The following KYNU variants were observed in gnomAD, a reference collection of about 807,000 sequenced individuals.
KYNU encodes the protein L-kynurenine hydrolase.
In KYNU, 54 loss-of-function variants were observed where a neutral mutation model predicts 59.2. The observed-to-expected ratio is 0.91, with a 90% confidence interval of 0.73 to 1.14. The LOEUF (loss-of-function observed/expected upper bound fraction) is 1.14, where lower values mean the gene tolerates loss of function less well. Ranked by LOEUF, KYNU falls within the 50% of genes most tolerant of loss-of-function variation. KYNU has a pLI of 0.00. For missense variants in KYNU, 567 were observed against 554.4 expected (o/e 1.02, Z -0.23); for synonymous variants, 177 against 192.0 (o/e 0.92, Z 0.65).
chr2:142,887,287 A>G (rs1681550774), intron 2 of KYNU, among the ~76,000 whole-genome samples: 1 of 152,192 alleles, frequency 6.6e-6, no homozygotes, highest in Non-Finnish European at 1.5e-5. Context: ...CTACTATTAA[A>G]AAGTGCAGGA....
chr2:142,970,153 A>G (rs1044103003), intron 8 of KYNU, among the ~76,000 whole-genome samples: 2 of 152,350 alleles, frequency 1.3e-5, no homozygotes, highest in Admixed American at 6.5e-5. Flanking sequence ...CACTTCTTTC[A>G]TCAGTTAAAT....
intron 2 of KYNU, among the ~76,000 whole-genome samples, chr2:142,890,270 A>T (rs1356984333): frequency 2.6e-5 from 4 of 152,170 alleles, no homozygotes; most frequent in African/African-American, 9.7e-5. Flanking sequence ...AAAATAATAA[A>T]TATTCCTGTT....
At chr2:142,897,801 C>CTAACTAAAAGG (rs1332682408) in intron 2 of KYNU, among the ~76,000 whole-genome samples, 8 of 152,196 alleles carry the variant, frequency 5.3e-5, no homozygotes, top group Middle Eastern at 3.4e-3. Flanking sequence ...CTAATAAAAC[C>CTAACTAAAAGG]CCTAAACTCA....
At chr2:142,913,510 A>G (rs1682572930) in intron 2 of KYNU, among the ~76,000 whole-genome samples, 1 of 152,058 alleles carries the variant, frequency 6.6e-6, no homozygotes, top group South Asian at 2.1e-4. Flanking sequence ...CTTCTGAGAG[A>G]TCTTCTTGGT....
chr2:142,901,196 C>T (rs1682071995), intron 2 of KYNU, among the ~76,000 whole-genome samples: 1 of 152,110 alleles, frequency 6.6e-6, no homozygotes, highest in Non-Finnish European at 1.5e-5. Context: ...ATTTGGCCAT[C>T]TGATGGGTGC....
At chr2:142,959,511 G>T (rs1026753245) in intron 7 of KYNU, among the ~76,000 whole-genome samples, 1 of 151,500 alleles carries the variant, frequency 6.6e-6, no homozygotes, top group Admixed American at 6.7e-5. Context: ...ACTTGAACCT[G>T]GGAGGTGGAG....
At chr2:142,884,318 C>T (rs78505370) in intron 1 of KYNU, among the ~76,000 whole-genome samples, 1 of 152,228 alleles carries the variant, frequency 6.6e-6, no homozygotes, top group South Asian at 2.1e-4. Flanking sequence ...TTACCTTTTC[C>T]ATGAATATGG....
chr2:142,959,637 C>T (rs772496362), intron 7 of KYNU, among the ~76,000 whole-genome samples: 1 of 151,788 alleles, frequency 6.6e-6, no homozygotes, highest in Non-Finnish European at 1.5e-5. Flanking sequence ...ATACAGGATA[C>T]ACATAGGTAC....
intron 7 of KYNU, among the ~76,000 whole-genome samples, chr2:142,959,802 T>C (rs1684280756): frequency 6.6e-6 from 1 of 152,336 alleles, no homozygotes; most frequent in East Asian, 1.9e-4. Context: ...ATTTTTCTTC[T>C]TGTTTGGGTC....
chr2:143,046,874 T>C lies in KYNU; in HGVS notation c.*4702T>C, dbSNP rs146894348. ...GGATTTCAATTGAACTGCAATTAAA[T>C]TTTAGATCAGTTTTGGAAGAATTGA... On this transcript the variant is annotated 3_prime_UTR_variant, in exon 14 of 14. Coordinates refer to ENST00000264170, the MANE Select transcript of KYNU (RefSeq NM_003937.3). The C allele has an allele frequency of 9.3e-4, 141 of 152,298 alleles. No individual in the cohort carries two copies. The highest frequency in any genetic ancestry group is 3.4e-3 in the African/African-American group (140 of 41,564). The allele number at this position is 152,298 out of a possible 1,614,324, so 9.4% of individuals were successfully genotyped here. A position where few individuals can be genotyped will look rare whatever the true frequency, so the allele number is the denominator to read the frequency against.
chr2:142,985,896 T>G (rs771984298), intron 9 of KYNU, 52 bp from the exon 10 acceptor site: 2 of 1,232,970 alleles, frequency 1.6e-6, no homozygotes, highest in Non-Finnish European at 2.4e-6. Context: ...CATTGTTTAG[T>G]TTTGTCATAT....
rs182998582 is a variant in KYNU at position 142,930,113 on chromosome 2, T to C, written c.373+2372T>C. On this transcript the variant is annotated intron_variant, in intron 4 of 13. Transcript: ENST00000264170. ...CATTTGATGTTACGCCAGAGTAAGG[T>C]TGGAAAGTAAGCTTGTCATATAGGA... Among the ~76,000 whole-genome samples the C allele has an allele frequency of 7.1e-4, 108 of 152,266 alleles. 1 individual carries two copies. Among genetic ancestry groups the C allele is most frequent in the African/African-American group, 2.5e-3 (102 of 41,544 alleles).
At chr2:143,006,439 A>G (rs2105193810) in intron 10 of KYNU, among the ~76,000 whole-genome samples, 2 of 150,430 alleles carry the variant, frequency 1.3e-5, no homozygotes, top group East Asian at 2.0e-4. Context: ...CTAGCACAGC[A>G]GTCTGAGATC....
Position 142,944,132 on chromosome 2 carries a change from T to C in KYNU, c.374-10678T>C, listed in dbSNP as rs142023769. On this transcript the variant is annotated intron_variant, in intron 4 of 13. Transcript: ENST00000264170. ...ACCCTGAAAGAACATTCTTATTTTA[T>C]TTTTCTTCTACAAGACTTTTGGTCA... Among the ~76,000 whole-genome samples, 445 of 152,348 alleles carry C rather than the reference T, an allele frequency of 2.9e-3. 5 individuals are homozygous for C. Among genetic ancestry groups the C allele is most frequent in the African/African-American group, 0.01 (424 of 41,572 alleles).
At chr2:142,884,790 T>A (rs1681440647) in intron 1 of KYNU, among the ~76,000 whole-genome samples, 1 of 135,280 alleles carries the variant, frequency 7.4e-6, no homozygotes, top group Non-Finnish European at 1.5e-5. Context: ...CACTGCAACC[T>A]CCACCTCCTG....
intron 4 of KYNU, among the ~76,000 whole-genome samples, chr2:142,931,332 T>C (rs1217395802): frequency 6.6e-6 from 1 of 152,196 alleles, no homozygotes; most frequent in Non-Finnish European, 1.5e-5. Flanking sequence ...TGTGGGCACC[T>C]TGGAAAAACA....
chr2:143,006,249 G>A (rs1025235041), intron 10 of KYNU, among the ~76,000 whole-genome samples: 7 of 152,064 alleles, frequency 4.6e-5, no homozygotes, highest in Non-Finnish European at 7.4e-5. Flanking sequence ...CCTGGGAAGC[G>A]CAAGGGGTCA....
intron 10 of KYNU, among the ~76,000 whole-genome samples, chr2:143,022,628 A>G (rs1686441409): frequency 6.6e-6 from 1 of 151,976 alleles, no homozygotes; most frequent in African/African-American, 2.4e-5. Flanking sequence ...GAATTTCCCC[A>G]TGAGATTACC....
chr2:142,912,387 T>TTTTTTTTTTTTTTTTTTTTTTTTTC, intron 2 of KYNU, among the ~76,000 whole-genome samples: 1 of 139,300 alleles, frequency 7.2e-6, no homozygotes, highest in Non-Finnish European at 1.5e-5. Context: ...TTTTTTTTTT[T>TTTTTTTTTTTTTTTTTTTTTTTTTC]TTTTTTTTTG....
Sources: allele counts gnomAD v4.1 joint callset (sites outside exome capture counted in the v4.1 genomes callset), GRCh38; gene constraint gnomAD v4.1.1; transcripts MANE v1.5; gene names NCBI Gene and HGNC (gene_info 2026-07-23, HGNC 2026-07-21).